NPR3: variants seen among roughly 807,000 people sequenced by gnomAD.
NPR3 encodes the protein atrial natriuretic peptide receptor 3.
NPR3 carries 34 observed loss-of-function variants against 54.5 expected under a neutral mutation model. The ratio of observed to expected loss-of-function variants is 0.62; its 90% CI spans 0.47 to 0.83. NPR3 has a LOEUF of 0.83. Among genes scored for constraint, NPR3 ranks in the 40% least tolerant of loss-of-function variants. NPR3 has a pLI of 0.00. For missense variants in NPR3, 674 were observed against 720.8 expected, an observed-to-expected ratio of 0.94 and a Z score of 0.74; for synonymous variants, 289 against 297.1, an observed-to-expected ratio of 0.97 and a Z score of 0.28.
intron 3 of NPR3, among the ~76,000 whole-genome samples, chr5:32,772,119 T>A (rs1201681350): frequency 6.6e-6 from 1 of 152,216 alleles, no homozygotes; most frequent in Non-Finnish European, 1.5e-5. Context: ...TGAGCAGAAA[T>A]TATCTTTGAC....
chr5:32,713,389 G>A (rs988207214), intron 1 of NPR3: 1 of 985,348 alleles, frequency 1.0e-6, no homozygotes, highest in African/African-American at 1.7e-5. Flanking sequence ...TGGCTTCGGG[G>A]AGCGGGGGGA....
intron 2 of NPR3, among the ~76,000 whole-genome samples, chr5:32,725,602 G>T (rs926262829): frequency 6.6e-6 from 1 of 152,146 alleles, no homozygotes; most frequent in Non-Finnish European, 1.5e-5. Flanking sequence ...ATTTCAGTGA[G>T]ATTTGGGCAG....
intron 1 of NPR3, among the ~76,000 whole-genome samples, chr5:32,702,977 C>T (rs1353739112): frequency 6.6e-6 from 1 of 152,204 alleles, no homozygotes; most frequent in Non-Finnish European, 1.5e-5. Flanking sequence ...GATGGTATCT[C>T]ATTGTGGTTT....
At chr5:32,711,309 G>T (rs1738208834), upstream of NPR3, 1 of 985,028 alleles carries the variant, frequency 1.0e-6, no homozygotes, top group East Asian at 1.1e-4. Flanking sequence ...GCGGGCTATG[G>T]ATCCAGGAAC....
intron 1 of NPR3, among the ~76,000 whole-genome samples, chr5:32,723,122 C>T (rs971569902): frequency 6.6e-6 from 1 of 152,150 alleles, no homozygotes; most frequent in African/African-American, 2.4e-5. Context: ...TCTTTCAGCA[C>T]CCATGCTTTT....
chr5:32,749,892 T>C (rs1740489373), intron 3 of NPR3, among the ~76,000 whole-genome samples: 1 of 152,164 alleles, frequency 6.6e-6, no homozygotes, highest in African/African-American at 2.4e-5. Context: ...TCCGACTCAA[T>C]TTAAGGTTGA....
At position 32,766,623 on chromosome 5, in the gene NPR3, TTTA is replaced by T. The variant is rs543790613; in HGVS notation, c.1060-8070_1060-8068del. ...ACTGGGTAAATGAAGTTTTACTACATTTATTATTATTATTATTGTTATTTATCA... is the reference window on the plus strand; with the variant it reads ...ACTGGGTAAATGAAGTTTTACTACATTTATTATTATTATTGTTATTTATCA... On this transcript the variant is annotated intron_variant, in intron 3 of 7. Transcript: ENST00000265074. Among the ~76,000 whole-genome samples the T allele has an allele frequency of 5.7e-4, 86 of 152,176 alleles. 2 individuals are homozygous for T. The highest frequency in any genetic ancestry group is 1.8e-3 in the African/African-American group (74 of 41,526).
chr5:32,752,718 A>C (rs1037452174), intron 3 of NPR3, among the ~76,000 whole-genome samples: 4 of 152,228 alleles, frequency 2.6e-5, no homozygotes, highest in African/African-American at 9.7e-5. Flanking sequence ...CAACATGTTT[A>C]ATAAGATTAG....
upstream of NPR3, among the ~76,000 whole-genome samples, chr5:32,708,010 A>C (rs536217358): frequency 3.9e-4 from 58 of 149,788 alleles, no homozygotes; most frequent in East Asian, 8.1e-3. Context: ...AAAAAAAAAA[A>C]AAAAAACAAC....
intron 2 of NPR3, among the ~76,000 whole-genome samples, chr5:32,728,676 A>C (rs1356783167): frequency 1.3e-5 from 2 of 151,470 alleles, no homozygotes; most frequent in Non-Finnish European, 2.9e-5. Flanking sequence ...TTTTTGGACA[A>C]CTTTAAAAGA....
intron 3 of NPR3, among the ~76,000 whole-genome samples, chr5:32,769,738 A>T (rs1239825838): frequency 6.6e-6 from 1 of 152,202 alleles, no homozygotes; most frequent in East Asian, 1.9e-4. Flanking sequence ...AGCAGCCTCT[A>T]TCTGAGAGCT....
chr5:32,699,615 C>T (rs552562515), intron 1 of NPR3, among the ~76,000 whole-genome samples: 1 of 152,230 alleles, frequency 6.6e-6, no homozygotes, highest in East Asian at 1.9e-4. Context: ...AACTTTTTGT[C>T]ACTTGTATTT....
intron 2 of NPR3, among the ~76,000 whole-genome samples, chr5:32,729,793 G>A (rs1739363935): frequency 6.6e-6 from 1 of 152,162 alleles, no homozygotes; most frequent in Non-Finnish European, 1.5e-5. Flanking sequence ...TGTCATATAT[G>A]TTGTTTGTCA....
chr5:32,785,671 T>C (rs1197655415), intron 7 of NPR3, among the ~76,000 whole-genome samples: 1 of 152,224 alleles, frequency 6.6e-6, no homozygotes, highest in Non-Finnish European at 1.5e-5. Context: ...CATGCTCATT[T>C]GCCACTGTGG....
At chr5:32,724,241 C>A (rs1026347160) in intron 1 of NPR3, among the ~76,000 whole-genome samples, 5 of 152,192 alleles carry the variant, frequency 3.3e-5, no homozygotes, top group African/African-American at 1.2e-4. Context: ...GGTCCAGAAT[C>A]CAATCCAGCA....
At chr5:32,697,982 C>A (rs1027986677) in intron 1 of NPR3, among the ~76,000 whole-genome samples, 2 of 151,874 alleles carry the variant, frequency 1.3e-5, no homozygotes, top group South Asian at 4.1e-4. Flanking sequence ...GTTTCTGTTT[C>A]ATTTATTTCT....
At chr5:32,767,322 C>G (rs557866133) in intron 3 of NPR3, among the ~76,000 whole-genome samples, 24 of 152,314 alleles carry the variant, frequency 1.6e-4, no homozygotes, top group Non-Finnish European at 1.5e-5. Flanking sequence ...ACCAAGATCT[C>G]TTTTTCCTGT....
Position 32,712,070 on chromosome 5 carries a change from C to T in NPR3, c.294C>T (p.Arg98=). 6.2e-7 allele frequency: 1 copy of T among 1,613,864 alleles called. No homozygotes were observed. The highest frequency in any genetic ancestry group is 8.5e-7 in the Non-Finnish European group (1 of 1,179,812). The change falls in exon 1 of 8, where the codon CGC becomes CGT. Residue 98 remains arginine (R), a synonymous_variant. Coordinates refer to ENST00000265074, the MANE Select transcript of NPR3 (RefSeq NM_001204375.2). ...TGRRLLPPGT[R]FQVAYEDSDC... is the part of the protein sequence containing the mutation. ...GGCGGCTTCTGCCGCCGGGCACTCG[C>T]TTCCAGGTGGCTTACGAGGATTCAG...
intron 2 of NPR3, among the ~76,000 whole-genome samples, chr5:32,732,709 C>A (rs1390870146): frequency 6.6e-6 from 1 of 152,092 alleles, no homozygotes; most frequent in Non-Finnish European, 1.5e-5. Context: ...AACTTTGTGC[C>A]CTAATAATCA....
Sources: allele counts gnomAD v4.1 joint callset (sites outside exome capture counted in the v4.1 genomes callset), GRCh38; gene constraint gnomAD v4.1.1; transcripts MANE v1.5; gene names NCBI Gene and HGNC (gene_info 2026-07-23, HGNC 2026-07-21).